ADCY8: variants seen among roughly 807,000 people sequenced by gnomAD.
The protein encoded by ADCY8 is adenylate cyclase 8.
A neutral mutation model predicts 119.7 loss-of-function variants in ADCY8; 51 were observed. The ratio of observed to expected loss-of-function variants is 0.43; its 90% CI spans 0.34 to 0.54. The LOEUF (loss-of-function observed/expected upper bound fraction) is 0.54. Among genes scored for constraint, ADCY8 ranks in the 20% least tolerant of loss-of-function variants. ADCY8 has a pLI of 0.03. For missense variants in ADCY8, 1,383 were observed against 1,598.8 expected (o/e 0.87, Z 2.30); for synonymous variants, 665 against 651.0 (o/e 1.02, Z -0.33).
chr8:130,805,844 T>C (rs965557641), intron 14 of ADCY8, among the ~76,000 whole-genome samples: 3 of 152,160 alleles, frequency 2.0e-5, no homozygotes, highest in Non-Finnish European at 4.4e-5. Context: ...TTATGTGGCT[T>C]GCCACATGTG....
intron 9 of ADCY8, among the ~76,000 whole-genome samples, chr8:130,855,577 C>G (rs1017079240): frequency 3.3e-5 from 5 of 151,980 alleles, no homozygotes; most frequent in African/African-American, 9.7e-5. Context: ...TCCCCTCCCC[C>G]ACCCCGTCAC....
chr8:131,020,152 C>T (rs1382458677), intron 1 of ADCY8, among the ~76,000 whole-genome samples: 1 of 152,024 alleles, frequency 6.6e-6, no homozygotes, highest in Non-Finnish European at 1.5e-5. Flanking sequence ...AGAGGTAGAT[C>T]CCAGGAAAGA....
Position 130,920,129 on chromosome 8 carries a change from C to T in ADCY8, c.1482-10263G>A, listed in dbSNP as rs184553929. Among the ~76,000 whole-genome samples, 307 of 115,202 alleles carry T rather than the reference C, an allele frequency of 2.7e-3. 2 individuals carry two copies. Among genetic ancestry groups the T allele is most frequent in the African/African-American group, 0.01 (295 of 28,966 alleles). The allele number at this position is 115,202 out of a possible 152,430, so 75.6% of individuals were successfully genotyped here. Reference sequence around the variant, plus strand: ...CTGTGCTTTAGCCTGGGTGACAGAACGAGACTCCGTTTCTTAAAAAAAAAA... The same window carrying T: ...CTGTGCTTTAGCCTGGGTGACAGAATGAGACTCCGTTTCTTAAAAAAAAAA... On this transcript the variant is annotated intron_variant, in intron 5 of 17. Coordinates refer to ENST00000286355, the MANE Select transcript of ADCY8 (RefSeq NM_001115.3).
chr8:130,786,359 C>A (rs1056105405), intron 15 of ADCY8, among the ~76,000 whole-genome samples: 3 of 152,116 alleles, frequency 2.0e-5, no homozygotes, highest in African/African-American at 7.2e-5. Flanking sequence ...GAGAGGGAAA[C>A]CTTGGTGTCT....
At chr8:131,027,327 A>AAACAC (rs1823852783) in intron 1 of ADCY8, among the ~76,000 whole-genome samples, 10 of 152,322 alleles carry the variant, frequency 6.6e-5, no homozygotes, top group African/African-American at 2.4e-4. Context: ...AAGGAAGGTA[A>AAACAC]ACAATTGTCC....
At chr8:130,849,867 T>G in intron 9 of ADCY8, 64 bp from the exon 10 acceptor site, 1 of 1,431,092 alleles carries the variant, frequency 7.0e-7, no homozygotes, top group Non-Finnish European at 9.6e-7. Context: ...TGAAATTCTA[T>G]TCCTGGTCTT....
At chr8:130,796,071 G>GT (rs1233049052) in intron 15 of ADCY8, among the ~76,000 whole-genome samples, 1 of 152,148 alleles carries the variant, frequency 6.6e-6, no homozygotes, top group Non-Finnish European at 1.5e-5. Flanking sequence ...CTGCCTCCCT[G>GT]TAACTACTTT....
intron 1 of ADCY8, among the ~76,000 whole-genome samples, chr8:131,017,694 A>G (rs1823524362): frequency 6.6e-6 from 1 of 152,178 alleles, no homozygotes; most frequent in Non-Finnish European, 1.5e-5. Flanking sequence ...ACCACCTGCA[A>G]GGGGCCGACG....
At chr8:130,783,364 A>G (rs1815146804) in intron 17 of ADCY8, among the ~76,000 whole-genome samples, 1 of 152,212 alleles carries the variant, frequency 6.6e-6, no homozygotes, top group Non-Finnish European at 1.5e-5. Flanking sequence ...GAATTAAATG[A>G]CTGATTAGTC....
chr8:130,924,113 T>C (rs956218093), intron 5 of ADCY8, among the ~76,000 whole-genome samples: 1 of 152,198 alleles, frequency 6.6e-6, no homozygotes, highest in Non-Finnish European at 1.5e-5. Context: ...ATGACTAAGA[T>C]AGACGGCTTT....
intron 5 of ADCY8, among the ~76,000 whole-genome samples, chr8:130,928,453 T>G (rs938412670): frequency 6.6e-6 from 1 of 152,164 alleles, no homozygotes; most frequent in Non-Finnish European, 1.5e-5. Context: ...ACATTCTTTC[T>G]CTAATTAATT....
intron 13 of ADCY8, among the ~76,000 whole-genome samples, chr8:130,820,068 G>T (rs1018083097): frequency 6.6e-6 from 1 of 152,316 alleles, no homozygotes; most frequent in African/African-American, 2.4e-5. Flanking sequence ...TTCCATTCCA[G>T]GTTGTTGATA....
chr8:130,833,119 C>T (rs114214048), intron 12 of ADCY8, among the ~76,000 whole-genome samples: 25 of 152,230 alleles, frequency 1.6e-4, no homozygotes, highest in African/African-American at 5.8e-4. Flanking sequence ...ACCATCTTAC[C>T]TAATTTGAAA....
intron 8 of ADCY8, among the ~76,000 whole-genome samples, chr8:130,874,167 G>A (rs1334334084): frequency 6.6e-6 from 1 of 151,994 alleles, no homozygotes; most frequent in Admixed American, 6.6e-5. Context: ...AATTAGCTGG[G>A]TGTGGTGGTG....
chr8:130,901,219 G>T (rs954219177), intron 7 of ADCY8, among the ~76,000 whole-genome samples: 5 of 140,060 alleles, frequency 3.6e-5, no homozygotes, highest in Admixed American at 2.1e-4. Flanking sequence ...TCTCTAAAGT[G>T]ATTTTTTTTC....
chr8:131,030,105 A>G (rs1823951289), intron 1 of ADCY8, among the ~76,000 whole-genome samples: 1 of 152,166 alleles, frequency 6.6e-6, no homozygotes, highest in South Asian at 2.1e-4. Flanking sequence ...TGTACCAAGG[A>G]AAGTGACTTT....
chr8:131,007,541 T>A (rs1170619427), intron 1 of ADCY8, among the ~76,000 whole-genome samples: 1 of 152,176 alleles, frequency 6.6e-6, no homozygotes, highest in Non-Finnish European at 1.5e-5. Context: ...TAAATATCAA[T>A]AGTTTGAAGA....
chr8:130,846,792 C>CCCTCCCCTCCCTT (rs201724141), intron 11 of ADCY8, among the ~76,000 whole-genome samples: 1 of 114,670 alleles, frequency 8.7e-6, no homozygotes, highest in Non-Finnish European at 1.9e-5. Context: ...TTCCTTCCTT[C>CCCTCCCCTCCCTT]TCCTTCCTTC....
At chr8:130,949,814 T>C (rs570184299) in intron 3 of ADCY8, 1 of 152,322 alleles carries the variant, frequency 6.6e-6, no homozygotes, top group East Asian at 1.9e-4. Flanking sequence ...TAGGTTCCTA[T>C]TGTCTTAGAA....
Sources: allele counts gnomAD v4.1 joint callset (sites outside exome capture counted in the v4.1 genomes callset), GRCh38; gene constraint gnomAD v4.1.1; transcripts MANE v1.5; gene names NCBI Gene and HGNC (gene_info 2026-07-23, HGNC 2026-07-21).